The following WDR27 variants were observed in gnomAD, a reference collection of about 807,000 sequenced individuals.
The protein encoded by WDR27 is WD repeat domain 27.
A neutral mutation model predicts 114.4 loss-of-function variants in WDR27; 100 were observed. The observed-to-expected ratio is 0.87, with a 90% CI of 0.74 to 1.03. The LOEUF is 1.03. Ranked by LOEUF, WDR27 falls within the 50% of genes least tolerant of loss-of-function variation. The probability of loss-of-function intolerance (pLI) is 0.00; values close to 1 mark genes in which losing one functional copy is unlikely to be tolerated. For synonymous variants in WDR27, 449 were observed against 423.1 expected, an observed-to-expected ratio of 1.06 and a Z score of -0.75; for missense variants, 1,129 against 1,092.9, an observed-to-expected ratio of 1.03 and a Z score of -0.47.
intron 10 of WDR27, among the ~76,000 whole-genome samples, chr6:169,660,315 G>A (rs1825718439): frequency 6.6e-6 from 1 of 152,176 alleles, no homozygotes; most frequent in East Asian, 1.9e-4. Context: ...CGAGCCTGGG[G>A]CTCTGGGAGG....
At chr6:169,464,236 A>G (rs929974159) in intron 25 of WDR27, among the ~76,000 whole-genome samples, 1 of 152,232 alleles carries the variant, frequency 6.6e-6, no homozygotes, top group African/African-American at 2.4e-5. Flanking sequence ...TTTCACATAT[A>G]TGGGTCAAAT....
At chr6:169,621,255 C>T (rs1364689898) in intron 21 of WDR27, among the ~76,000 whole-genome samples, 1 of 152,038 alleles carries the variant, frequency 6.6e-6, no homozygotes, top group African/African-American at 2.4e-5. Context: ...CATACCCACA[C>T]ATACATTCAT....
intron 25 of WDR27, among the ~76,000 whole-genome samples, chr6:169,566,209 C>T (rs1159358063): frequency 1.3e-5 from 2 of 152,190 alleles, no homozygotes; most frequent in Non-Finnish European, 2.9e-5. Context: ...GTAGCGTAAA[C>T]AATAGCACCA....
chr6:169,445,779 C>T, the WDR27 span, among the ~76,000 whole-genome samples: 114 of 152,342 alleles, frequency 7.5e-4, no homozygotes, highest in Non-Finnish European at 1.4e-3. Flanking sequence ...CAGCACATCC[C>T]TGCCTGCAGC....
At chr6:169,564,448 G>A (rs183683535) in intron 25 of WDR27, among the ~76,000 whole-genome samples, 41 of 152,326 alleles carry the variant, frequency 2.7e-4, no homozygotes, top group Admixed American at 2.1e-3. Context: ...AAGTTGGCAC[G>A]TGGTATTCAC....
At chr6:169,492,383 G>C (rs901273411) in intron 25 of WDR27, among the ~76,000 whole-genome samples, 8 of 152,098 alleles carry the variant, frequency 5.3e-5, no homozygotes, top group African/African-American at 1.7e-4. Flanking sequence ...AATACTTTGA[G>C]AGTTTCAAAA....
chr6:169,450,364 C>T, the WDR27 span, among the ~76,000 whole-genome samples: 1 of 152,194 alleles, frequency 6.6e-6, no homozygotes, highest in Non-Finnish European at 1.5e-5. Context: ...TCCCAAGTGC[C>T]AGACGGAGCC....
chr6:169,517,099 C>T (rs985432566), intron 25 of WDR27, among the ~76,000 whole-genome samples: 1 of 152,016 alleles, frequency 6.6e-6, no homozygotes, highest in Non-Finnish European at 1.5e-5. Flanking sequence ...GGGGTGGATC[C>T]TTCATGGCTT....
chr6:169,699,792 G>A (rs1787364737), intron 1 of WDR27, among the ~76,000 whole-genome samples: 1 of 152,080 alleles, frequency 6.6e-6, no homozygotes, highest in South Asian at 2.1e-4. Flanking sequence ...GACCAGCCTG[G>A]GCAACATAGT....
chr6:169,552,893 CGCA>C (rs1798339663), intron 25 of WDR27, among the ~76,000 whole-genome samples: 1 of 151,868 alleles, frequency 6.6e-6, no homozygotes, highest in Non-Finnish European at 1.5e-5. Context: ...TTGAGAGTTC[CGCA>C]GCAGCAGATG....
chr6:169,667,841 T>C (rs1320435456), intron 5 of WDR27, 141 bp downstream of exon 5: 1 of 804,050 alleles, frequency 1.2e-6, no homozygotes, highest in African/African-American at 1.7e-5. Flanking sequence ...GAAATCAGGA[T>C]AGCGGGCGCC....
chr6:169,662,786 C>G lies in WDR27; in HGVS notation c.905-362G>C, dbSNP rs7748999. Among the ~76,000 whole-genome samples the G allele has an allele frequency of 3.8e-5, 3 of 78,172 alleles. 1 individual carries two copies. Among genetic ancestry groups the G allele is most frequent in the African/African-American group, 1.3e-4 (2 of 15,434 alleles). The allele number at this position is 78,172 out of a possible 152,430, so 51.3% of individuals were successfully genotyped here. A position where few individuals can be genotyped will look rare whatever the true frequency, so the allele number is the denominator to read the frequency against. On this transcript the variant is annotated intron_variant, in intron 8 of 25. Transcript: ENST00000448612. Reference sequence around the variant, plus strand: ...CTAAGGTAACACCCAGCATGACGCGCGTGCACCGCGGAGCATTCGGATCAC... The same window carrying G: ...CTAAGGTAACACCCAGCATGACGCGGGTGCACCGCGGAGCATTCGGATCAC...
chr6:169,474,804 T>C lies in WDR27; in HGVS notation c.2646-17170A>G, dbSNP rs560165668. 2.0e-3 allele frequency among the ~76,000 whole-genome samples: 307 copies of C among 152,328 alleles called. 4 individuals carry two copies. The highest frequency in any genetic ancestry group is 3.8e-3 in the Non-Finnish European group (257 of 68,024). ...GGAATGATAAAAATAAATCCAGACC[T>C]AAATTATTAGCAAATCTCTCATATA... is the stretch of plus-strand genomic sequence containing the variant. On this transcript the variant is annotated intron_variant, in intron 25 of 25. Coordinates refer to ENST00000448612, the MANE Select transcript of WDR27 (RefSeq NM_182552.5).
At chr6:169,640,337 A>C (rs1818849816) in intron 17 of WDR27, among the ~76,000 whole-genome samples, 1 of 152,240 alleles carries the variant, frequency 6.6e-6, no homozygotes. Flanking sequence ...AGGCAAAACC[A>C]GGAAAGATAT....
rs116837108 is a variant in WDR27, at chr6:169,488,136, T to C, written c.2646-30502A>G. Among the ~76,000 whole-genome samples the C allele has an allele frequency of 1.5e-3, 232 of 152,280 alleles. 1 individual carries two copies. Among genetic ancestry groups the C allele is most frequent in the African/African-American group, 5.2e-3 (218 of 41,560 alleles). ...GCATAAAGGCACAGAAACCAACATG[T>C]AGTTGCAATAAAGAGAGAAATCCAC... On this transcript the variant is annotated intron_variant, in intron 25 of 25. Coordinates refer to ENST00000448612, the MANE Select transcript of WDR27 (RefSeq NM_182552.5).
Position 169,552,825 on chromosome 6 carries a change from A to G in WDR27, c.2645+19594T>C, listed in dbSNP as rs143717695. 3.0e-3 allele frequency among the ~76,000 whole-genome samples: 451 copies of G among 152,186 alleles called. 5 individuals carry two copies. Among genetic ancestry groups the G allele is most frequent in the African/African-American group, 9.3e-3 (386 of 41,518 alleles). On this transcript the variant is annotated intron_variant, in intron 25 of 25. Coordinates refer to ENST00000448612, the MANE Select transcript of WDR27 (RefSeq NM_182552.5). ...TGAGGATTTTTAACTGTTTTAAAAG[A>G]CTCTCTCTCAGTTGAGGCTAAAATA...
chr6:169,553,016 GTGTGTGTGTGTA>G (rs1203244881), intron 25 of WDR27, among the ~76,000 whole-genome samples: 19 of 104,148 alleles, frequency 1.8e-4, no homozygotes, highest in South Asian at 1.1e-3. Context: ...GTGTGTGTGT[GTGTGTGTGTGTA>G]TGCAGGGAGG....
At chr6:169,597,666 G>A (rs1807075889) in intron 23 of WDR27, among the ~76,000 whole-genome samples, 1 of 152,078 alleles carries the variant, frequency 6.6e-6, no homozygotes, top group Admixed American at 6.5e-5. Flanking sequence ...ACCCTACTCT[G>A]CTTCTAAAGG....
intron 25 of WDR27, among the ~76,000 whole-genome samples, chr6:169,534,334 T>C (rs993784456): frequency 1.3e-5 from 2 of 152,226 alleles, no homozygotes; most frequent in Non-Finnish European, 2.9e-5. Context: ...ACAGAAAACA[T>C]TGGTCTTGGT....
Sources: gnomAD v4.1 joint callset for allele counts (sites outside exome capture counted in the v4.1 genomes callset) on GRCh38, gnomAD v4.1.1 for gene constraint, MANE v1.5 for transcripts, NCBI Gene and HGNC (gene_info 2026-07-23, HGNC 2026-07-21) for gene names.